ATP8A2: variants seen among roughly 807,000 people sequenced by gnomAD.
ATP8A2 encodes phospholipid-transporting ATPase IB.
ATP8A2 carries 100 observed loss-of-function variants against 165.6 expected under a neutral mutation model. The observed-to-expected ratio is 0.60, with a 90% CI of 0.51 to 0.71. The LOEUF (loss-of-function observed/expected upper bound fraction) is 0.71. Ranked by LOEUF, ATP8A2 falls within the 30% of genes least tolerant of loss-of-function variation. ATP8A2 has a pLI of 0.00. For missense variants in ATP8A2, 1,227 were observed against 1,479.5 expected, an observed-to-expected ratio of 0.83 and a Z score of 2.80; for synonymous variants, 543 against 548.8, an observed-to-expected ratio of 0.99 and a Z score of 0.15.
intron 24 of ATP8A2, among the ~76,000 whole-genome samples, chr13:25,596,045 G>A (rs1029126350): frequency 2.0e-5 from 3 of 152,084 alleles, no homozygotes; most frequent in Non-Finnish European, 2.9e-5. Flanking sequence ...TGCATATGTC[G>A]GGCTGCTATG....
At chr13:25,407,194 TAAG>T (rs2033828034) in intron 1 of ATP8A2, among the ~76,000 whole-genome samples, 1 of 152,168 alleles carries the variant, frequency 6.6e-6, no homozygotes, top group African/African-American at 2.4e-5. Context: ...AAACTGCTGA[TAAG>T]TACCAAGGCC....
At chr13:25,505,798 C>T (rs2137731007) in intron 2 of ATP8A2, among the ~76,000 whole-genome samples, 1 of 152,260 alleles carries the variant, frequency 6.6e-6, no homozygotes, top group Non-Finnish European at 1.5e-5. Context: ...ATGATAATAT[C>T]AAATATCATT....
chr13:25,787,161 A>G (rs2045050598), intron 27 of ATP8A2, among the ~76,000 whole-genome samples: 1 of 152,204 alleles, frequency 6.6e-6, no homozygotes, highest in South Asian at 2.1e-4. Context: ...ACACCCAGAT[A>G]AGAACAGTAT....
intron 33 of ATP8A2, among the ~76,000 whole-genome samples, chr13:25,937,311 C>G (rs1345586529): frequency 9.5e-6 from 1 of 104,886 alleles, no homozygotes; most frequent in Non-Finnish European, 2.1e-5. Context: ...GTCATTCACT[C>G]AACTTTTGTG....
Position 25,372,289 on chromosome 13 carries a change from G to A in ATP8A2, c.76+1G>A. On this transcript the variant is annotated splice_donor_variant, in intron 1 of 36. Coordinates refer to ENST00000381655, the MANE Select transcript of ATP8A2 (RefSeq NM_016529.6). LOFTEE classifies it high-confidence loss of function. This position sits in a 1 kb window ranked among gnomAD's most constrained non-coding sequence, Gnocchi z 4.8. ...AGGTCGAGGATCCGCTCGTCCGTGG[G>A]TGAGCTGGGAGGGGCGCGGCGAGGG... 6.8e-7 allele frequency: 1 copy of A among 1,468,314 alleles called. No homozygotes were observed. The highest frequency in any genetic ancestry group is 1.3e-5 in the South Asian group (1 of 77,702). The allele number at this position is 1,468,314 out of a possible 1,614,324, so 91.0% of individuals were successfully genotyped here.
At chr13:25,464,080 G>C (rs2035571263) in intron 1 of ATP8A2, among the ~76,000 whole-genome samples, 2 of 152,138 alleles carry the variant, frequency 1.3e-5, no homozygotes, top group African/African-American at 4.8e-5. Flanking sequence ...CCACTTTGGG[G>C]CTTCATCAAA....
chr13:25,570,588 G>A lies in ATP8A2; in HGVS notation c.1474-179G>A, dbSNP rs567282797. 7.6e-4 allele frequency among the ~76,000 whole-genome samples: 115 copies of A among 152,264 alleles called. 2 individuals carry two copies. The highest frequency in any genetic ancestry group is 2.6e-3 in the African/African-American group (110 of 41,540). ...GGGATTAGTGCGCGTCAGGAGAACC[G>A]GCTTGGGGACTCCAGACCAGAGCGG... is the stretch of plus-strand genomic sequence containing the variant. On this transcript the variant is annotated intron_variant, in intron 16 of 36. Coordinates refer to ENST00000381655, the MANE Select transcript of ATP8A2 (RefSeq NM_016529.6).
intron 33 of ATP8A2, among the ~76,000 whole-genome samples, chr13:25,905,298 A>G (rs1953902370): frequency 6.6e-6 from 1 of 152,052 alleles, no homozygotes; most frequent in Admixed American, 6.6e-5. Flanking sequence ...TTATACACTC[A>G]TTTCTAAAAC....
intron 24 of ATP8A2, among the ~76,000 whole-genome samples, chr13:25,694,773 C>T (rs919406459): frequency 1.3e-5 from 2 of 152,152 alleles, no homozygotes; most frequent in African/African-American, 4.8e-5. Context: ...TGGGTTCAAG[C>T]GATCTTTGCA....
chr13:25,855,778 C>A (rs1041394399), intron 30 of ATP8A2, among the ~76,000 whole-genome samples: 5 of 152,144 alleles, frequency 3.3e-5, no homozygotes, highest in African/African-American at 1.2e-4. Flanking sequence ...ACTTTCCCAC[C>A]AGCAGTGTAT....
intron 1 of ATP8A2, among the ~76,000 whole-genome samples, chr13:25,414,186 G>GTTTTT (rs10528594): frequency 1.7e-5 from 2 of 119,054 alleles, no homozygotes; most frequent in African/African-American, 6.2e-5. Flanking sequence ...GGGCTGTGGT[G>GTTTTT]TTTTTTTTTT....
chr13:26,007,015 A>G (rs1335973652), intron 35 of ATP8A2, among the ~76,000 whole-genome samples: 1 of 151,000 alleles, frequency 6.6e-6, no homozygotes, highest in Non-Finnish European at 1.5e-5. Flanking sequence ...GAAAACATAG[A>G]TCTAAATTGC....
intron 25 of ATP8A2, among the ~76,000 whole-genome samples, chr13:25,701,644 G>T (rs1451792566): frequency 1.3e-5 from 2 of 151,480 alleles, no homozygotes; most frequent in African/African-American, 2.4e-5. Flanking sequence ...TGAGTCCGTT[G>T]GATTCTCAGG....
At chr13:25,981,395 T>C (rs1347870538) in intron 35 of ATP8A2, among the ~76,000 whole-genome samples, 6 of 152,216 alleles carry the variant, frequency 3.9e-5, no homozygotes, top group Admixed American at 3.9e-4. Context: ...TAATGCACTT[T>C]GTGAGAATAG....
intron 35 of ATP8A2, among the ~76,000 whole-genome samples, chr13:25,994,765 T>C (rs780886236): frequency 6.6e-6 from 1 of 152,174 alleles, no homozygotes; most frequent in African/African-American, 2.4e-5. Context: ...TATATGTTGA[T>C]GAATTGCACT....
At chr13:25,790,122 C>T (rs957132512) in intron 27 of ATP8A2, among the ~76,000 whole-genome samples, 2 of 152,100 alleles carry the variant, frequency 1.3e-5, no homozygotes, top group African/African-American at 4.8e-5. Context: ...TATAAAAACC[C>T]TGAAAGATAA....
At position 25,558,879 on chromosome 13, in the gene ATP8A2, A is replaced by C. The variant is rs571070513; in HGVS notation, c.1264-94A>C. ...CTTTAGGGAAATCTACCCGTTTCAT[A>C]CAGGTTTTGAAAAATATAGAAGGAA... On this transcript the variant is annotated intron_variant, in intron 13 of 36. Coordinates refer to ENST00000381655, the MANE Select transcript of ATP8A2 (RefSeq NM_016529.6). 1.6e-5 allele frequency: 13 copies of C among 819,206 alleles called. No homozygotes were observed. The African/African-American group carries it at 2.3e-4, about 14-fold the overall frequency. 50.7% of individuals were successfully genotyped at this position (819,206 alleles called of 1,614,324 possible).
chr13:25,929,064 T>C (rs903192114), intron 33 of ATP8A2, among the ~76,000 whole-genome samples: 3 of 152,210 alleles, frequency 2.0e-5, no homozygotes, highest in Admixed American at 1.3e-4. Context: ...TTCCCGAGGT[T>C]ATGTTCTGCA....
chr13:25,996,601 T>C (rs1014328003), intron 35 of ATP8A2, among the ~76,000 whole-genome samples: 18 of 152,162 alleles, frequency 1.2e-4, no homozygotes, highest in African/African-American at 4.3e-4. Context: ...CTCAGCTCAC[T>C]GCAACCTCCG....
Sources: gnomAD v4.1 joint callset for allele counts (sites outside exome capture counted in the v4.1 genomes callset) on GRCh38, gnomAD v4.1.1 for gene constraint, Gnocchi (gnomAD v3.1) non-coding constraint, MANE v1.5 for transcripts, NCBI Gene and HGNC (gene_info 2026-07-23, HGNC 2026-07-21) for gene names.